DGKB: variants seen among roughly 807,000 people sequenced by gnomAD.
DGKB encodes the protein diacylglycerol kinase beta.
DGKB carries 67 observed loss-of-function variants against 114.3 expected under a neutral mutation model. The ratio of observed to expected loss-of-function variants is 0.59; its 90% confidence interval spans 0.48 to 0.72. The LOEUF (loss-of-function observed/expected upper bound fraction) is 0.72, where lower values mean the gene tolerates loss of function less well. DGKB is among the 30% of genes least tolerant of loss of function. The pLI is 0.00. For synonymous variants in DGKB, 398 were observed against 323.1 expected, an observed-to-expected ratio of 1.23 and a Z score of -2.49; for missense variants, 907 against 975.2, an observed-to-expected ratio of 0.93 and a Z score of 0.93.
chr7:14,949,367 GTA>G (rs1486563351), intron 1 of DGKB, among the ~76,000 whole-genome samples: 1 of 151,822 alleles, frequency 6.6e-6, no homozygotes, highest in African/African-American at 2.4e-5. Context: ...GCTTCTAACT[GTA>G]TTTTTAATAA....
intron 4 of DGKB, among the ~76,000 whole-genome samples, chr7:14,745,683 C>T (rs992190735): frequency 1.1e-4 from 16 of 152,230 alleles, no homozygotes; most frequent in African/African-American, 3.4e-4. Flanking sequence ...ACCTCTTCAG[C>T]TCATGTGTGG....
chr7:14,841,912 T>G (rs1316934646), intron 1 of DGKB, among the ~76,000 whole-genome samples: 1 of 152,178 alleles, frequency 6.6e-6, no homozygotes, highest in Non-Finnish European at 1.5e-5. Context: ...AGTTTTAGTT[T>G]TATGATTTAA....
chr7:14,637,769 G>A (rs1036826227), intron 13 of DGKB, among the ~76,000 whole-genome samples: 9 of 151,724 alleles, frequency 5.9e-5, no homozygotes, highest in African/African-American at 1.9e-4. Context: ...TCTCACAAAG[G>A]TTTGCTTTAT....
intron 23 of DGKB, among the ~76,000 whole-genome samples, chr7:14,272,960 C>A (rs1798481331): frequency 6.6e-6 from 1 of 152,158 alleles, no homozygotes; most frequent in South Asian, 2.1e-4. Context: ...TGAAAGGATG[C>A]ACCTAATAAT....
intron 19 of DGKB, among the ~76,000 whole-genome samples, chr7:14,576,470 C>T (rs1799133561): frequency 6.6e-6 from 1 of 151,658 alleles, no homozygotes; most frequent in Admixed American, 6.6e-5. Flanking sequence ...ATCTATTTTC[C>T]AAATTCTGCT....
intron 20 of DGKB, among the ~76,000 whole-genome samples, chr7:14,523,532 T>C (rs1300988797): frequency 6.6e-6 from 1 of 152,162 alleles, no homozygotes; most frequent in African/African-American, 2.4e-5. Context: ...CTCAGGATAT[T>C]TGTGCTAAAA....
chr7:14,356,994 C>T (rs1216988824), intron 21 of DGKB, among the ~76,000 whole-genome samples: 2 of 152,130 alleles, frequency 1.3e-5, no homozygotes, highest in Non-Finnish European at 2.9e-5. Context: ...TTTACATTTG[C>T]TGAGGAGTGC....
chr7:14,895,431 C>T (rs1440394699), intron 1 of DGKB, among the ~76,000 whole-genome samples: 1 of 151,502 alleles, frequency 6.6e-6, no homozygotes, highest in African/African-American at 2.4e-5. Context: ...CCTTATGCCT[C>T]CTGAAACCAG....
At chr7:14,189,840 A>G (rs1468295396) in intron 23 of DGKB, among the ~76,000 whole-genome samples, 1 of 152,198 alleles carries the variant, frequency 6.6e-6, no homozygotes, top group African/African-American at 2.4e-5. Context: ...AAAGGGATCA[A>G]TTCAACAAGA....
chr7:14,862,061 A>G lies in DGKB; in HGVS notation c.-187-20611T>C, dbSNP rs1352444234. The stretch of plus-strand genomic sequence containing the variant: ...TTCTTATATTTAGTCAACATGATCC[A>G]TATGAAACGATACTGTGATTTTAAA... On this transcript the variant is annotated intron_variant, in intron 1 of 25. Coordinates refer to ENST00000402815, the MANE Select transcript of DGKB (RefSeq NM_001350709.2). Among the ~76,000 whole-genome samples the G allele has an allele frequency of 2.6e-5, 4 of 152,028 alleles. No individual in the cohort carries two copies. In the East Asian group the frequency reaches 5.8e-4, roughly 22 times the overall value.
intron 23 of DGKB, among the ~76,000 whole-genome samples, chr7:14,185,562 C>T (rs1401804454): frequency 2.0e-5 from 3 of 152,042 alleles, no homozygotes; most frequent in Non-Finnish European, 4.4e-5. Flanking sequence ...ATAGACAAAG[C>T]AAGACTAAGC....
intron 1 of DGKB, among the ~76,000 whole-genome samples, chr7:14,910,454 C>T: frequency 6.6e-6 from 1 of 151,996 alleles, no homozygotes; most frequent in East Asian, 1.9e-4. Flanking sequence ...AGACATAAAC[C>T]TTTATGGAAA....
At chr7:14,700,803 ATT>A (rs1486879178) in intron 7 of DGKB, among the ~76,000 whole-genome samples, 2 of 152,156 alleles carry the variant, frequency 1.3e-5, no homozygotes, top group African/African-American at 2.4e-5. Flanking sequence ...ATATCAAAAC[ATT>A]TGTTTTTAAT....
At chr7:14,504,016 G>C (rs1235369155) in intron 20 of DGKB, among the ~76,000 whole-genome samples, 1 of 152,080 alleles carries the variant, frequency 6.6e-6, no homozygotes, top group Non-Finnish European at 1.5e-5. Flanking sequence ...CCAAAAAGAT[G>C]TTTTCTTAAC....
chr7:14,683,225 G>C (rs1180111032), intron 10 of DGKB, among the ~76,000 whole-genome samples: 6 of 152,176 alleles, frequency 3.9e-5, no homozygotes, highest in African/African-American at 7.2e-5. Context: ...GTATAGGCAT[G>C]AGAGCAGCTG....
intron 13 of DGKB, among the ~76,000 whole-genome samples, chr7:14,643,276 G>T (rs1326355402): frequency 6.6e-6 from 1 of 152,130 alleles, no homozygotes; most frequent in Non-Finnish European, 1.5e-5. Flanking sequence ...TGGAATCCTA[G>T]GGAGAGAAAA....
In DGKB at chr7:14,186,258, G is replaced by GA. The variant is rs572359292; in HGVS notation, c.2123-8108dup. On this transcript the variant is annotated intron_variant, in intron 23 of 25. Coordinates refer to ENST00000402815, the MANE Select transcript of DGKB (RefSeq NM_001350709.2). ...ATATACAAATGGCCAACAAACATAT[G>GA]AAAAATGCTCATCATTACTAATGAT... Among the ~76,000 whole-genome samples, 746 of 152,178 alleles carry GA rather than the reference G, an allele frequency of 4.9e-3. 8 individuals carry two copies. Among genetic ancestry groups the GA allele is most frequent in the African/African-American group, 0.017 (717 of 41,542 alleles).
At chr7:14,865,622 A>G (rs1587006747) in intron 1 of DGKB, among the ~76,000 whole-genome samples, 1 of 152,174 alleles carries the variant, frequency 6.6e-6, no homozygotes, top group East Asian at 1.9e-4. Context: ...TGGTTCCTGT[A>G]TCTTGGCTGA....
intron 17 of DGKB, among the ~76,000 whole-genome samples, chr7:14,587,401 G>A (rs1800954779): frequency 6.6e-6 from 1 of 152,082 alleles, no homozygotes. Flanking sequence ...CAAAAAAAGA[G>A]GGTTTCTTGA....
Sources: gnomAD v4.1 joint callset for allele counts (sites outside exome capture counted in the v4.1 genomes callset) on GRCh38, gnomAD v4.1.1 for gene constraint, MANE v1.5 for transcripts, NCBI Gene and HGNC (gene_info 2026-07-23, HGNC 2026-07-21) for gene names.